The following MDGA2 variants were observed in gnomAD, a reference collection of about 807,000 sequenced individuals.
MDGA2 encodes the protein MAM domain-containing glycosylphosphatidylinositol anchor protein 2.
MDGA2 carries 40 observed loss-of-function variants against 117.8 expected under a neutral mutation model. The observed-to-expected ratio is 0.34, with a 90% CI of 0.26 to 0.44. The LOEUF (loss-of-function observed/expected upper bound fraction) is 0.44, where lower values mean the gene tolerates loss of function less well. Among genes scored for constraint, MDGA2 ranks in the 20% least tolerant of loss-of-function variants. MDGA2 has a pLI of 1.00. For missense variants in MDGA2, 1,123 were observed against 1,250.6 expected, an observed-to-expected ratio of 0.90 and a Z score of 1.54; for synonymous variants, 452 against 439.0, an observed-to-expected ratio of 1.03 and a Z score of -0.37.
At chr14:47,054,388 T>C (rs1160108204) in intron 7 of MDGA2, among the ~76,000 whole-genome samples, 1 of 151,728 alleles carries the variant, frequency 6.6e-6, no homozygotes, top group Non-Finnish European at 1.5e-5. Flanking sequence ...GTTTGTTACA[T>C]ATGTACATGT....
At chr14:47,609,549 G>A (rs1262515965) in intron 1 of MDGA2, among the ~76,000 whole-genome samples, 1 of 147,622 alleles carries the variant, frequency 6.8e-6, no homozygotes, top group East Asian at 2.0e-4. Context: ...CTATAAAAAT[G>A]TGTGTGCTAG....
chr14:46,962,915 T>G (rs2138285598), intron 8 of MDGA2, among the ~76,000 whole-genome samples: 2 of 152,270 alleles, frequency 1.3e-5, no homozygotes, highest in Admixed American at 1.3e-4. Flanking sequence ...GATGTGGGGA[T>G]CTAGAGTGTT....
intron 1 of MDGA2, among the ~76,000 whole-genome samples, chr14:47,390,819 C>T (rs996117181): frequency 2.0e-5 from 3 of 152,034 alleles, no homozygotes; most frequent in East Asian, 3.9e-4. Flanking sequence ...TCCTGGTTTC[C>T]GGGACACCAG....
intron 3 of MDGA2, among the ~76,000 whole-genome samples, chr14:47,150,504 A>C (rs1883120058): frequency 6.6e-6 from 1 of 152,112 alleles, no homozygotes; most frequent in African/African-American, 2.4e-5. Flanking sequence ...TGTCCTTATA[A>C]TTATTACTTT....
intron 1 of MDGA2, among the ~76,000 whole-genome samples, chr14:47,470,645 T>C (rs1893705783): frequency 6.6e-6 from 1 of 152,168 alleles, no homozygotes; most frequent in Non-Finnish European, 1.5e-5. Context: ...GTGGGATTGC[T>C]GGGTAGAATG....
Position 46,977,759 on chromosome 14 carries a change from T to C in MDGA2, c.1820-20116A>G, listed in dbSNP as rs188492348. On this transcript the variant is annotated intron_variant, in intron 8 of 16. Transcript: ENST00000399232. ...AACATGGTAGTAAACTTAGTAGGTA[T>C]AAAACTTTTCAGAAATAAAGAATTT... Among the ~76,000 whole-genome samples the C allele has an allele frequency of 3.5e-3, 532 of 152,002 alleles. 4 individuals are homozygous for C. Among genetic ancestry groups the C allele is most frequent in the Middle Eastern group, 0.01 (3 of 294 alleles).
intron 9 of MDGA2, among the ~76,000 whole-genome samples, chr14:46,936,378 T>C (rs922164874): frequency 6.6e-6 from 1 of 152,110 alleles, no homozygotes; most frequent in Non-Finnish European, 1.5e-5. Context: ...CATTATTAAA[T>C]AAAATATCTT....
chr14:47,305,091 T>C (rs1889400382), intron 1 of MDGA2: 1 of 151,984 alleles, frequency 6.6e-6, no homozygotes, highest in Non-Finnish European at 1.5e-5. Flanking sequence ...AGAGGAGGTA[T>C]TTATTTACTA....
intron 1 of MDGA2, among the ~76,000 whole-genome samples, chr14:47,318,485 C>T (rs1368095878): frequency 1.3e-5 from 2 of 152,096 alleles, no homozygotes; most frequent in Non-Finnish European, 2.9e-5. Context: ...CAAATCCAAT[C>T]ATTCATTTAT....
intron 2 of MDGA2, among the ~76,000 whole-genome samples, chr14:47,240,335 C>T (rs908957548): frequency 2.6e-5 from 4 of 151,856 alleles, no homozygotes; most frequent in Admixed American, 2.6e-4. Flanking sequence ...TGAGCCACCA[C>T]GCCCAGCTAG....
chr14:47,562,131 G>A (rs1895828398), intron 1 of MDGA2, among the ~76,000 whole-genome samples: 1 of 152,184 alleles, frequency 6.6e-6, no homozygotes, highest in African/African-American at 2.4e-5. Flanking sequence ...CAGTTTGGTA[G>A]TATTTTGTTG....
chr14:47,235,256 T>C, intron 2 of MDGA2, among the ~76,000 whole-genome samples: 1 of 152,222 alleles, frequency 6.6e-6, no homozygotes, highest in East Asian at 1.9e-4. Flanking sequence ...GGTTCAATCA[T>C]TCAATTTATT....
At chr14:47,131,322 A>G (rs2139150853) in intron 5 of MDGA2, among the ~76,000 whole-genome samples, 1 of 152,148 alleles carries the variant, frequency 6.6e-6, no homozygotes, top group East Asian at 1.9e-4. Flanking sequence ...TTGACTTGAC[A>G]CAAAGTAAAA....
intron 1 of MDGA2, among the ~76,000 whole-genome samples, chr14:47,544,959 T>C (rs1218396097): frequency 2.0e-5 from 3 of 152,220 alleles, no homozygotes; most frequent in African/African-American, 7.2e-5. Context: ...AACAGAATGA[T>C]ACCAAGGTAA....
At chr14:47,237,252 A>T (rs1477068552) in intron 2 of MDGA2, among the ~76,000 whole-genome samples, 1 of 152,242 alleles carries the variant, frequency 6.6e-6, no homozygotes, top group Non-Finnish European at 1.5e-5. Context: ...CTTAAAAAAA[A>T]AATTAAAATC....
At chr14:47,085,290 G>C (rs1890856813) in intron 6 of MDGA2, among the ~76,000 whole-genome samples, 1 of 151,026 alleles carries the variant, frequency 6.6e-6, no homozygotes, top group African/African-American at 2.4e-5. Context: ...ATAGAAGGAA[G>C]GAATAATCAA....
At chr14:46,926,879 T>G (rs900557634) in intron 9 of MDGA2, among the ~76,000 whole-genome samples, 1 of 152,034 alleles carries the variant, frequency 6.6e-6, no homozygotes, top group East Asian at 1.9e-4. Flanking sequence ...AAAAAAGATA[T>G]GTGATTTGAG....
Position 47,053,623 on chromosome 14 carries a change from A to G in MDGA2, c.1525+7626T>C, listed in dbSNP as rs865892285. ...TGTGTATATATATATATATATATAT[A>G]TATATATATATATATATATATATAT... On this transcript the variant is annotated intron_variant, in intron 7 of 16. Coordinates refer to ENST00000399232, the MANE Select transcript of MDGA2 (RefSeq NM_001113498.3). Among the ~76,000 whole-genome samples, 550 of 78,272 alleles carry G rather than the reference A, an allele frequency of 7.0e-3. 16 individuals carry two copies. Among genetic ancestry groups the G allele is most frequent in the Non-Finnish European group, 9.1e-3 (349 of 38,168 alleles). 51.3% of individuals were successfully genotyped at this position (78,272 alleles called of 152,430 possible). A position where few individuals can be genotyped will look rare whatever the true frequency, so the allele number is the denominator to read the frequency against.
At position 47,104,191 on chromosome 14, in the gene MDGA2, T is replaced by C. The variant is rs868111041; in HGVS notation, c.926-7068A>G. On this transcript the variant is annotated intron_variant, in intron 5 of 16. Transcript: ENST00000399232. ...TGCAAAATATAGTAAGTGACACTTATGCTTCTCAGGCCTCTGAGCCCAAGC... is the reference window on the plus strand; with the variant it reads ...TGCAAAATATAGTAAGTGACACTTACGCTTCTCAGGCCTCTGAGCCCAAGC... Among the ~76,000 whole-genome samples the C allele has an allele frequency of 6.6e-5, 10 of 152,322 alleles. No homozygotes were observed. The South Asian group carries it at 1.4e-3, about 22-fold the overall frequency.
Sources: gnomAD v4.1 joint callset for allele counts (sites outside exome capture counted in the v4.1 genomes callset) on GRCh38, gnomAD v4.1.1 for gene constraint, MANE v1.5 for transcripts, NCBI Gene and HGNC (gene_info 2026-07-23, HGNC 2026-07-21) for gene names.